Variants in PRDM2 observed in about 807,000 individuals in gnomAD.
PRDM2 encodes the protein PR/SET domain 2.
In PRDM2, 30 loss-of-function variants were observed where a neutral mutation model predicts 130.0. The observed-to-expected ratio is 0.23, with a 90% CI of 0.17 to 0.31. The LOEUF is 0.31. PRDM2 is among the 10% of genes least tolerant of loss of function. The pLI is 1.00. For synonymous variants in PRDM2, 871 were observed against 782.4 expected, an observed-to-expected ratio of 1.11 and a Z score of -1.89; for missense variants, 2,011 against 2,108.4, an observed-to-expected ratio of 0.95 and a Z score of 0.90.
chr1:13,778,837 G>C lies in PRDM2; in HGVS notation c.1042G>C (p.Glu348Gln), dbSNP rs761750849. ...TGCCATGCAAATCCCCAGAACTAAA[G>C]AAGAGGCCAATGGTGATGTATTTGA... The part of the protein sequence containing the change: ...TPAMQIPRTK[E>Q]EANGDVFETF... Residue 348 changes from glutamate (E) to glutamine (Q), a missense_variant, in exon 8 of 10, where the codon GAA becomes CAA. Physicochemically the swap from Glu to Gln is conservative, Grantham distance 29. Around this residue, in one of 5 missense-constraint regions of PRDM2, gnomAD observed 1,288 missense variants for 1,237.7 expected, o/e 1.04. Transcript: ENST00000311066. 4 of 1,614,138 alleles carry C rather than the reference G, an allele frequency of 2.5e-6. No individual in the cohort carries two copies. In the South Asian group the frequency reaches 4.4e-5, roughly 18 times the overall value.
At chr1:13,740,119 T>C (rs187283367) in intron 4 of PRDM2, among the ~76,000 whole-genome samples, 1 of 152,240 alleles carries the variant, frequency 6.6e-6, no homozygotes, top group Non-Finnish European at 1.5e-5. Flanking sequence ...AAATGAGTTA[T>C]GTATGAATAA....
At chr1:13,772,154 G>T (rs1423813525) in intron 6 of PRDM2, 1 of 152,188 alleles carries the variant, frequency 6.6e-6, no homozygotes, top group East Asian at 1.9e-4. Flanking sequence ...TGTTACGGAA[G>T]AATGGGGATC....
intron 6 of PRDM2, among the ~76,000 whole-genome samples, chr1:13,765,458 T>G (rs987070422): frequency 1.3e-5 from 2 of 152,018 alleles, no homozygotes; most frequent in African/African-American, 4.8e-5. Context: ...ATAGCATCAC[T>G]TGGCTATTCT....
In PRDM2 at chr1:13,780,930, AC is replaced by A; in HGVS notation, c.3138del (p.Pro1048LeufsTer50). On this transcript the variant is annotated frameshift_variant, in exon 8 of 10. Coordinates refer to ENST00000311066, the MANE Select transcript of PRDM2 (RefSeq NM_001393986.1). LOFTEE classifies it high-confidence loss of function. ...TGGAGCCCCTGATGTCTGCCGCCTC[AC>A]CCGGGCCTCCAACACTTTCTTCTTC... The part of the protein sequence containing the change: ...PVEPLMSAAS[P>X]GPPTLSSSSS... The A allele has an allele frequency of 6.2e-7, 1 of 1,604,212 alleles. No individual in the cohort carries two copies. The highest frequency in any genetic ancestry group is 8.5e-7 in the Non-Finnish European group (1 of 1,176,424).
In PRDM2 at chr1:13,732,825, A is replaced by G. The variant is rs1252090216; in HGVS notation, c.174A>G (p.Pro58=). The change falls in exon 4 of 10, where the codon CCA becomes CCG. Residue 58 remains proline, a synonymous_variant. Transcript: ENST00000311066. ...KPILKGKKFG[P]FVGDKKKRSQ... ...TTTTAAAAGGCAAAAAATTTGGGCC[A>G]TTTGTTGGTGATAAGAAAAAAAGAT... 8.1e-6 allele frequency: 13 copies of G among 1,609,222 alleles called. No individual in the cohort carries two copies. The highest frequency in any genetic ancestry group is 9.3e-6 in the Non-Finnish European group (11 of 1,178,232).
chr1:13,755,354 T>C (rs1643922501), intron 6 of PRDM2, among the ~76,000 whole-genome samples: 1 of 152,210 alleles, frequency 6.6e-6, no homozygotes, highest in Non-Finnish European at 1.5e-5. Flanking sequence ...GTTTTAAATA[T>C]CATAATTGAG....
chr1:13,731,527 T>TG (rs1379707778), intron 3 of PRDM2, among the ~76,000 whole-genome samples: 2 of 152,218 alleles, frequency 1.3e-5, no homozygotes, highest in Admixed American at 1.3e-4. Flanking sequence ...TGTTATTGCT[T>TG]GTGAGTGCCT....
At chr1:13,760,191 T>G (rs1297346070) in intron 6 of PRDM2, among the ~76,000 whole-genome samples, 3 of 152,232 alleles carry the variant, frequency 2.0e-5, no homozygotes, top group African/African-American at 7.2e-5. Flanking sequence ...TCAATTTCTG[T>G]CTGACCCTTT....
intron 6 of PRDM2, among the ~76,000 whole-genome samples, chr1:13,764,114 T>G (rs1644167842): frequency 6.6e-6 from 1 of 152,182 alleles, no homozygotes; most frequent in Admixed American, 6.5e-5. Context: ...GGGGGAAACA[T>G]GATTTTCTTC....
chr1:13,809,927 T>C (rs1482122317), intron 8 of PRDM2, among the ~76,000 whole-genome samples: 2 of 152,150 alleles, frequency 1.3e-5, no homozygotes, highest in African/African-American at 4.8e-5. Context: ...TGGTCGAGGC[T>C]CTCTTCCTGG....
rs377670869 is a variant in PRDM2, at chr1:13,780,601, C to A, written c.2806C>A (p.Pro936Thr). The A allele has an allele frequency of 6.2e-7, 1 of 1,614,068 alleles. No homozygotes were observed. ...DLGPGSGFPAPTVESTPDVCP... is the reference protein window; with the variant it reads ...DLGPGSGFPATTVESTPDVCP... ...CGGTCCGGGCTCTGGTTTCCCTGCC[C>A]CTACTGTTGAGTCCACACCTGATGT... is the stretch of plus-strand genomic sequence containing the variant. The change falls in exon 8 of 10, where the codon CCT (proline) becomes ACT (threonine). Residue 936 changes from proline (P) to threonine (T), a missense_variant. Physicochemically the swap from Pro to Thr is conservative, Grantham distance 38. Around this residue, in one of 5 missense-constraint regions of PRDM2, gnomAD observed 1,288 missense variants for 1,237.7 expected, o/e 1.04. Coordinates refer to ENST00000311066, the MANE Select transcript of PRDM2 (RefSeq NM_001393986.1).
intron 6 of PRDM2, among the ~76,000 whole-genome samples, chr1:13,753,044 A>T (rs1191734557): frequency 2.0e-5 from 3 of 152,126 alleles, no homozygotes; most frequent in African/African-American, 7.2e-5. Context: ...TCATTTAATC[A>T]ATGGGGATTT....
At chr1:13,783,143 T>A in intron 8 of PRDM2, 2 of 564,394 alleles carry the variant, frequency 3.5e-6, no homozygotes, top group Non-Finnish European at 6.5e-6. Flanking sequence ...TCAAACTTCC[T>A]TTATGTCTTG....
chr1:13,703,487 G>A (rs898572963), intron 1 of PRDM2, among the ~76,000 whole-genome samples: 1 of 152,206 alleles, frequency 6.6e-6, no homozygotes, highest in Non-Finnish European at 1.5e-5. Context: ...ACACCTTGAA[G>A]CCAAGAAGTG....
chr1:13,728,948 T>C (rs984541050), intron 2 of PRDM2, among the ~76,000 whole-genome samples: 3 of 152,134 alleles, frequency 2.0e-5, no homozygotes, highest in Non-Finnish European at 4.4e-5. Context: ...TCTGGAAGTT[T>C]TAGGTCAGAG....
chr1:13,716,479 A>G (rs1642545312), intron 2 of PRDM2, among the ~76,000 whole-genome samples: 1 of 152,220 alleles, frequency 6.6e-6, no homozygotes, highest in Admixed American at 6.5e-5. Context: ...AGAGAGGATT[A>G]AAAGTTATTT....
intron 6 of PRDM2, among the ~76,000 whole-genome samples, chr1:13,763,911 T>G (rs1176765811): frequency 6.6e-6 from 1 of 152,224 alleles, no homozygotes; most frequent in Non-Finnish European, 1.5e-5. Context: ...CTGATTTGAT[T>G]AATTAGTCAT....
At chr1:13,799,543 A>G (rs1420507608) in intron 8 of PRDM2, among the ~76,000 whole-genome samples, 1 of 152,180 alleles carries the variant, frequency 6.6e-6, no homozygotes, top group African/African-American at 2.4e-5. Flanking sequence ...TGGAACGCCA[A>G]CTGTGGATAA....
rs1643258652 is a variant in PRDM2, at chr1:13,736,009, T to C, written c.231+3127T>C. ...AACCTATATGTAGAAATTGATTCAA[T>C]TGAGATCAAACAGCACATGCAGTTT... On this transcript the variant is annotated intron_variant, in intron 4 of 9. Coordinates refer to ENST00000311066, the MANE Select transcript of PRDM2 (RefSeq NM_001393986.1). 5.3e-5 allele frequency among the ~76,000 whole-genome samples: 8 copies of C among 152,320 alleles called. No individual in the cohort carries two copies. The South Asian group carries it at 1.2e-3, about 24-fold the overall frequency.
Sources: gnomAD v4.1 joint callset for allele counts (sites outside exome capture counted in the v4.1 genomes callset) on GRCh38, gnomAD v4.1.1 for gene constraint, gnomAD v4.1.1 regional missense constraint, MANE v1.5 for transcripts, NCBI Gene and HGNC (gene_info 2026-07-23, HGNC 2026-07-21) for gene names.